Variants in PMS2 observed in about 807,000 individuals in gnomAD.
PMS2 encodes mismatch repair endonuclease PMS2.
A neutral mutation model predicts 90.0 loss-of-function variants in PMS2; 69 were observed. The ratio of observed to expected loss-of-function variants is 0.77; its 90% CI spans 0.63 to 0.94. The LOEUF is 0.94. PMS2 is among the 40% of genes least tolerant of loss of function. The pLI is 0.00. For synonymous variants in PMS2, 332 were observed against 375.1 expected (o/e 0.89, Z 1.33); for missense variants, 966 against 1,040.2 (o/e 0.93, Z 0.98).
intron 7 of PMS2, among the ~76,000 whole-genome samples, chr7:5,995,874 G>T (rs1001523298): frequency 2.6e-5 from 4 of 152,110 alleles, no homozygotes; most frequent in African/African-American, 9.7e-5. Flanking sequence ...GATGCAGTGC[G>T]TCCAAAACTG....
At position 5,993,689 on chromosome 7, in the gene PMS2, C is replaced by T. The variant is rs181581798; in HGVS notation, c.904-1632G>A. Among the ~76,000 whole-genome samples, 526 of 150,736 alleles carry T rather than the reference C, an allele frequency of 3.5e-3. 1 individual carries two copies. The highest frequency in any genetic ancestry group is 8.2e-3 in the Admixed American group (123 of 15,086). ...CAGCCTGGCCAATGTGGTGAAACCCCGTATCTACTAAAAATACAAAAATTA... is the reference window on the plus strand; with the variant it reads ...CAGCCTGGCCAATGTGGTGAAACCCTGTATCTACTAAAAATACAAAAATTA... On this transcript the variant is annotated intron_variant, in intron 8 of 14. Coordinates refer to ENST00000265849, the MANE Select transcript of PMS2 (RefSeq NM_000535.7).
rs780132980 is a variant in PMS2, at chr7:6,008,980, C to G, written c.23+17G>C. On this transcript the variant is annotated intron_variant, in intron 1 of 14. Transcript: ENST00000265849. ...GCGCGCGAGAGGGGACACCGGAAGA[C>G]TGCGAGCCCCGCTCACCTCGAGCTC... 1 of 1,612,594 alleles carries G rather than the reference C, an allele frequency of 6.2e-7. No homozygotes were observed. The highest frequency in any genetic ancestry group is 1.7e-5 in the Admixed American group (1 of 60,024).
chr7:5,987,692 A>G, intron 10 of PMS2, 72 bp from the exon 11 acceptor site: 2 of 944,256 alleles, frequency 2.1e-6, no homozygotes, highest in Non-Finnish European at 3.4e-6. Flanking sequence ...TTATGTGAAC[A>G]GATACTTCAC....
chr7:5,982,850 G>A lies in PMS2; in HGVS notation c.2148C>T (p.Thr716=), dbSNP rs748404138. The change falls in exon 12 of 15, where the codon ACC becomes ACT. Residue 716 remains threonine, a synonymous_variant. Transcript: ENST00000265849. Reference sequence around the variant, plus strand: ...CTATGAGCCTCTGCCCCTGGAGCACGGTGTGCTGCTGCAGCATCTCGAAGT... The same window carrying A: ...CTATGAGCCTCTGCCCCTGGAGCACAGTGTGCTGCTGCAGCATCTCGAAGT... The part of the protein sequence containing the change: ...KYNFEMLQQH[T]VLQGQRLIAP... The A allele has an allele frequency of 1.9e-5, 31 of 1,606,232 alleles. No individual in the cohort carries two copies. Among genetic ancestry groups the A allele is most frequent in the South Asian group, 8.8e-5 (8 of 90,626 alleles).
At chr7:5,996,330 G>C (rs1216498512) in intron 7 of PMS2, among the ~76,000 whole-genome samples, 1 of 151,986 alleles carries the variant, frequency 6.6e-6, no homozygotes, top group Non-Finnish European at 1.5e-5. Context: ...AAGGTGGGTG[G>C]ATCACCTGAG....
chr7:6,006,198 T>C, intron 1 of PMS2, 167 bp from the exon 2 acceptor site: 1 of 792,548 alleles, frequency 1.3e-6, no homozygotes, highest in East Asian at 2.8e-5. Context: ...AAACACTGTT[T>C]TACAATCCTT....
chr7:5,982,047 G>A (rs946894918), intron 12 of PMS2, among the ~76,000 whole-genome samples: 25 of 150,130 alleles, frequency 1.7e-4, no homozygotes, highest in Non-Finnish European at 3.3e-4. Context: ...ATAGAATCTC[G>A]CTCTGTCACC....
At chr7:5,985,299 C>T (rs796376212) in intron 11 of PMS2, among the ~76,000 whole-genome samples, 1 of 139,622 alleles carries the variant, frequency 7.2e-6, no homozygotes, top group African/African-American at 2.7e-5. Flanking sequence ...AGAGATGGGG[C>T]CTCATTATAT....
intron 5 of PMS2, 108 bp from the exon 6 acceptor site, chr7:5,999,383 C>G: frequency 2.1e-6 from 2 of 948,660 alleles, no homozygotes; most frequent in Non-Finnish European, 3.4e-6. Flanking sequence ...TCGCACAAAT[C>G]AAGGGAAGCA....
intron 13 of PMS2, 39 bp from the exon 14 acceptor site, chr7:5,977,796 C>A (rs750140593): frequency 6.3e-7 from 1 of 1,577,654 alleles, no homozygotes; most frequent in Non-Finnish European, 8.7e-7. Context: ...CATGACTTGA[C>A]AAACACGTTT....
At chr7:5,993,417 T>C (rs1286633984) in intron 8 of PMS2, among the ~76,000 whole-genome samples, 2 of 14,326 alleles carry the variant, frequency 1.4e-4, no homozygotes, top group African/African-American at 1.0e-3. Flanking sequence ...AACAAAATAT[T>C]ACTGAGGTAC....
intron 8 of PMS2, among the ~76,000 whole-genome samples, chr7:5,994,460 C>T (rs763427141): frequency 4.6e-5 from 7 of 151,644 alleles, no homozygotes; most frequent in Non-Finnish European, 1.0e-4. Context: ...GGGTTATGTC[C>T]TGATAAACCC....
Position 5,973,075 on chromosome 7 carries a change from T to G in PMS2, c.*324A>C, listed in dbSNP as rs1781447696. Among the ~76,000 whole-genome samples, 1 of 134,540 alleles carries G rather than the reference T, an allele frequency of 7.4e-6. No homozygotes were observed. The highest frequency in any genetic ancestry group is 2.6e-4 in the South Asian group (1 of 3,866). 88.3% of individuals were successfully genotyped at this position (134,540 alleles called of 152,430 possible). On this transcript the variant is annotated 3_prime_UTR_variant, in exon 15 of 15. Coordinates refer to ENST00000265849, the MANE Select transcript of PMS2 (RefSeq NM_000535.7). ...TCAGGCTGGTCTCGAACTTCTGATC[T>G]CAGGTGATCCGCCGGCCTCGGCCTC...
intron 6 of PMS2, 140 bp from the exon 7 acceptor site, chr7:5,997,563 G>C: frequency 1.5e-6 from 1 of 651,528 alleles, no homozygotes; most frequent in Non-Finnish European, 2.7e-6. Context: ...TTTGTTTTTT[G>C]AGACAGGGTC....
At chr7:6,008,586 A>G (rs1208462307) in intron 1 of PMS2, among the ~76,000 whole-genome samples, 1 of 152,106 alleles carries the variant, frequency 6.6e-6, no homozygotes, top group East Asian at 1.9e-4. Context: ...CCCCGTCTCT[A>G]CAAAAAAAAA....
chr7:6,009,025 C>T lies in PMS2; in HGVS notation c.-6G>A, dbSNP rs1260600705. 7 of 1,612,414 alleles carry T rather than the reference C, an allele frequency of 4.3e-6. No individual in the cohort carries two copies. The highest frequency in any genetic ancestry group is 5.9e-6 in the Non-Finnish European group (7 of 1,179,808). On this transcript the variant is annotated 5_prime_UTR_variant, in exon 1 of 15. Coordinates refer to ENST00000265849, the MANE Select transcript of PMS2 (RefSeq NM_000535.7). The stretch of plus-strand genomic sequence containing the variant: ...GAGCTCTCAGCTCGCTCCATGGATG[C>T]AACACCCGATCCGCCTCGGGGACTG...
At position 6,002,612 on chromosome 7, in the gene PMS2, G is replaced by C. The variant is rs768488890; in HGVS notation, c.378C>G (p.His126Gln). 5 of 1,611,788 alleles carry C rather than the reference G, an allele frequency of 3.1e-6. No homozygotes were observed. Among genetic ancestry groups the C allele is most frequent in the Non-Finnish European group, 4.2e-6 (5 of 1,179,646 alleles). Residue 126 changes from histidine to glutamine, a missense_variant, in exon 5 of 15, where the codon CAC becomes CAG. By Grantham distance (24) the His-to-Gln change is conservative. Coordinates refer to ENST00000265849, the MANE Select transcript of PMS2 (RefSeq NM_000535.7). Reference protein sequence around the residue: ...ALSDVTISTCHASAKVGTRLM... With the variant: ...ALSDVTISTCQASAKVGTRLM... Reference sequence around the variant, plus strand: ...GTCGAGTTCCAACCTTCGCCGATGCGTGGCAGGTAGAAATGGTGACATCGC... The same window carrying C: ...GTCGAGTTCCAACCTTCGCCGATGCCTGGCAGGTAGAAATGGTGACATCGC...
At position 6,003,720 on chromosome 7, in the gene PMS2, C is replaced by T. The variant is rs1785369293; in HGVS notation, c.323G>A (p.Gly108Glu). The stretch of plus-strand genomic sequence containing the variant: ...TGCACAAAGTGAGCTCAGAGCTTCC[C>T]CCCGAAAGCCAAAAGTTTCAACCTG... ...LTQVETFGFRGEALSSLCALS... is the reference protein window; with the variant it reads ...LTQVETFGFREEALSSLCALS... Residue 108 changes from glycine to glutamate, a missense_variant, in exon 4 of 15, where the codon GGG becomes GAG. Around this residue, in one of 2 missense-constraint regions of PMS2, gnomAD observed 871 missense variants for 802.4 expected, o/e 1.09. Transcript: ENST00000265849. The T allele has an allele frequency of 6.3e-7, 1 of 1,597,306 alleles. No homozygotes were observed. Among genetic ancestry groups the T allele is most frequent in the South Asian group, 1.1e-5 (1 of 90,954 alleles).
At chr7:5,997,474 G>T in intron 6 of PMS2, 51 bp from the exon 7 acceptor site, 2 of 996,744 alleles carry the variant, frequency 2.0e-6, no homozygotes, top group Non-Finnish European at 3.1e-6. Flanking sequence ...AAGACAGAGT[G>T]GACTTAATCT....
Sources: allele counts gnomAD v4.1 joint callset (sites outside exome capture counted in the v4.1 genomes callset), GRCh38; gene constraint gnomAD v4.1.1; regional missense constraint gnomAD v4.1.1; transcripts MANE v1.5; gene names NCBI Gene and HGNC (gene_info 2026-07-23, HGNC 2026-07-21).